The following IFTAP variants were observed in gnomAD, a reference collection of about 807,000 sequenced individuals.
IFTAP encodes intraflagellar transport-associated protein.
In IFTAP, 19 loss-of-function variants were observed where a neutral mutation model predicts 19.4. That is an observed-to-expected ratio of 0.98 (90% CI 0.68 to 1.44). The LOEUF is 1.44. IFTAP is among the 40% of genes most tolerant of loss of function. The probability of loss-of-function intolerance (pLI) is 0.00; values close to 1 mark genes in which losing one functional copy is unlikely to be tolerated. For missense variants in IFTAP, 240 were observed against 253.6 expected (o/e 0.95, Z 0.36); for synonymous variants, 85 against 83.5 (o/e 1.02, Z -0.10).
chr11:36,641,024 T>C (rs1218864835), intron 4 of IFTAP, among the ~76,000 whole-genome samples: 2 of 152,100 alleles, frequency 1.3e-5, no homozygotes, highest in African/African-American at 4.8e-5. Flanking sequence ...CGTGGTGTAG[T>C]ATCAAAGAAA....
chr11:36,638,508 A>G (rs746405343), intron 4 of IFTAP, among the ~76,000 whole-genome samples: 1 of 152,218 alleles, frequency 6.6e-6, no homozygotes, highest in African/African-American at 2.4e-5. Flanking sequence ...TGAAAAGGCC[A>G]CCAGGGCTTT....
At position 36,659,087 on chromosome 11, in the gene IFTAP, C is replaced by T; in HGVS notation, c.567C>T (p.Thr189=). 1.2e-6 allele frequency: 2 copies of T among 1,609,606 alleles called. No homozygotes were observed. The highest frequency in any genetic ancestry group is 8.5e-7 in the Non-Finnish European group (1 of 1,177,704). ...EEFDYDNVML[T]SKFSPAEIEN... Reference sequence around the variant, plus strand: ...TTGATTATGACAATGTGATGCTAACCTCCAAGTTTAGTCCTGCAGAGATAG... The same window carrying T: ...TTGATTATGACAATGTGATGCTAACTTCCAAGTTTAGTCCTGCAGAGATAG... Residue 189 remains threonine (T), a synonymous_variant, in exon 6 of 6, where the codon ACC becomes ACT. Transcript: ENST00000334307.
chr11:36,607,283 G>A (rs12288720), intron 1 of IFTAP, among the ~76,000 whole-genome samples: 6,242 of 152,152 alleles, frequency 0.041, 413 homozygotes, highest in African/African-American at 0.14. Flanking sequence ...GATGCCATGC[G>A]TACTCGTTTA....
At chr11:36,635,275 A>C (rs1852900819) in intron 3 of IFTAP, among the ~76,000 whole-genome samples, 1 of 152,194 alleles carries the variant, frequency 6.6e-6, no homozygotes, top group African/African-American at 2.4e-5. Flanking sequence ...GGTCTCATTC[A>C]TGCCAGTGGT....
intron 2 of IFTAP, among the ~76,000 whole-genome samples, chr11:36,619,034 G>C (rs1423649454): frequency 2.0e-5 from 3 of 152,000 alleles, no homozygotes; most frequent in Non-Finnish European, 4.4e-5. Flanking sequence ...AAGAGTCACA[G>C]GTATTTTGCC....
At chr11:36,608,430 C>G in intron 1 of IFTAP, among the ~76,000 whole-genome samples, 1 of 152,084 alleles carries the variant, frequency 6.6e-6, no homozygotes, top group Non-Finnish European at 1.5e-5. Flanking sequence ...TTGGAGAAAC[C>G]CCTACTTTTT....
chr11:36,599,927 A>G (rs935624127), intron 1 of IFTAP, among the ~76,000 whole-genome samples: 1 of 152,268 alleles, frequency 6.6e-6, no homozygotes, highest in African/African-American at 2.4e-5. Flanking sequence ...AAATGCAAAA[A>G]TAGAAACCAT....
chr11:36,610,565 A>G (rs1393924745), intron 2 of IFTAP, among the ~76,000 whole-genome samples: 1 of 152,202 alleles, frequency 6.6e-6, no homozygotes, highest in Non-Finnish European at 1.5e-5. Flanking sequence ...AGCCTACTTT[A>G]AAAAATTTCA....
At chr11:36,634,943 T>C (rs761167214) in intron 3 of IFTAP, among the ~76,000 whole-genome samples, 23 of 152,124 alleles carry the variant, frequency 1.5e-4, no homozygotes, top group Non-Finnish European at 3.2e-4. Context: ...CCAGTCCCCA[T>C]TAGCATACAC....
At chr11:36,617,351 C>G (rs11826342) in intron 2 of IFTAP, among the ~76,000 whole-genome samples, 6,213 of 149,084 alleles carry the variant, frequency 0.042, 415 homozygotes, top group African/African-American at 0.14. Flanking sequence ...TATCAGGAGA[C>G]TTTTGTGATG....
chr11:36,646,876 A>C (rs1169119362), intron 4 of IFTAP, among the ~76,000 whole-genome samples: 2 of 152,142 alleles, frequency 1.3e-5, no homozygotes, highest in Admixed American at 6.6e-5. Context: ...ATGAAATCAT[A>C]GTCTAAGATT....
intron 2 of IFTAP, among the ~76,000 whole-genome samples, chr11:36,620,328 C>T (rs984054887): frequency 2.6e-5 from 4 of 151,908 alleles, no homozygotes; most frequent in African/African-American, 9.7e-5. Context: ...GCAGCATTAA[C>T]CTGTTTTTTC....
chr11:36,654,333 AT>A (rs1853878701), intron 5 of IFTAP, among the ~76,000 whole-genome samples: 1 of 151,242 alleles, frequency 6.6e-6, no homozygotes, highest in African/African-American at 2.4e-5. Flanking sequence ...ATTTTATTTT[AT>A]TTTATTTTTT....
chr11:36,652,481 A>T (rs1185645420), intron 5 of IFTAP, among the ~76,000 whole-genome samples: 1 of 152,188 alleles, frequency 6.6e-6, no homozygotes, highest in Non-Finnish European at 1.5e-5. Flanking sequence ...CTAGATAGAC[A>T]ATCATATCAT....
intron 2 of IFTAP, among the ~76,000 whole-genome samples, chr11:36,630,013 G>A (rs957913873): frequency 1.3e-5 from 2 of 151,118 alleles, no homozygotes. Context: ...AAACATTAGG[G>A]ATAAGATGAA....
At chr11:36,625,222 T>C (rs1020014413) in intron 2 of IFTAP, among the ~76,000 whole-genome samples, 1 of 152,176 alleles carries the variant, frequency 6.6e-6, no homozygotes, top group Non-Finnish European at 1.5e-5. Flanking sequence ...ATTAAGTTGT[T>C]ATTAGGATTA....
At chr11:36,620,416 C>G (rs1852248377) in intron 2 of IFTAP, among the ~76,000 whole-genome samples, 1 of 151,978 alleles carries the variant, frequency 6.6e-6, no homozygotes. Flanking sequence ...CACTAAATCA[C>G]TACACTTAGG....
chr11:36,645,596 A>G (rs1319965782), intron 4 of IFTAP, among the ~76,000 whole-genome samples: 1 of 151,992 alleles, frequency 6.6e-6, no homozygotes, highest in Non-Finnish European at 1.5e-5. Flanking sequence ...GAATATGAGT[A>G]TATATATATA....
At chr11:36,601,316 CAAAGA>C (rs530511053) in intron 1 of IFTAP, among the ~76,000 whole-genome samples, 368 of 151,930 alleles carry the variant, frequency 2.4e-3, no homozygotes, top group African/African-American at 8.5e-3. Context: ...CTGAAACTGA[CAAAGA>C]AAAGAGGAAG....
Sources: gnomAD v4.1 joint callset for allele counts (sites outside exome capture counted in the v4.1 genomes callset) on GRCh38, gnomAD v4.1.1 for gene constraint, MANE v1.5 for transcripts, NCBI Gene and HGNC (gene_info 2026-07-23, HGNC 2026-07-21) for gene names.